Variants in NRG3 observed in about 807,000 individuals in gnomAD.
NRG3 encodes the protein pro-neuregulin-3, membrane-bound isoform.
A neutral mutation model predicts 66.9 loss-of-function variants in NRG3; 31 were observed. The ratio of observed to expected loss-of-function variants is 0.46; its 90% confidence interval spans 0.35 to 0.63. The LOEUF (loss-of-function observed/expected upper bound fraction) is 0.63, where lower values mean the gene tolerates loss of function less well. Ranked by LOEUF, NRG3 falls within the 20% of genes least tolerant of loss-of-function variation. NRG3 has a pLI of 0.00. For synonymous variants in NRG3, 393 were observed against 359.4 expected (o/e 1.09, Z -1.06); for missense variants, 910 against 878.9 (o/e 1.04, Z -0.45).
At chr10:82,892,329 A>G (rs756991501) in intron 4 of NRG3, among the ~76,000 whole-genome samples, 8 of 152,178 alleles carry the variant, frequency 5.3e-5, no homozygotes, top group Non-Finnish European at 1.2e-4. Context: ...AGGAAACAAC[A>G]GACAGGGCAC....
At chr10:82,108,222 T>C (rs1243624270) in intron 1 of NRG3, among the ~76,000 whole-genome samples, 1 of 152,228 alleles carries the variant, frequency 6.6e-6, no homozygotes, top group Non-Finnish European at 1.5e-5. Flanking sequence ...ATGATATTAA[T>C]ATTGGTCTTC....
intron 2 of NRG3, among the ~76,000 whole-genome samples, chr10:82,719,303 G>A (rs2057155981): frequency 6.6e-6 from 1 of 152,198 alleles, no homozygotes; most frequent in South Asian, 2.1e-4. Context: ...TATGTGGAAT[G>A]ATTAGGGGAA....
chr10:81,902,764 G>A (rs1844200416), intron 1 of NRG3, among the ~76,000 whole-genome samples: 1 of 152,164 alleles, frequency 6.6e-6, no homozygotes. Flanking sequence ...ACAGGGTGCA[G>A]GGTGCATCTG....
At chr10:82,049,253 T>G (rs2063472682) in intron 1 of NRG3, among the ~76,000 whole-genome samples, 1 of 152,246 alleles carries the variant, frequency 6.6e-6, no homozygotes, top group Admixed American at 6.5e-5. Flanking sequence ...TGCTGCCTTA[T>G]TTTTTAGATT....
At chr10:82,246,765 G>T (rs1484923313) in intron 1 of NRG3, among the ~76,000 whole-genome samples, 1 of 149,664 alleles carries the variant, frequency 6.7e-6, no homozygotes, top group South Asian at 2.1e-4. Context: ...TATTTAGAAG[G>T]AGTTTTTTTT....
intron 1 of NRG3, among the ~76,000 whole-genome samples, chr10:82,270,636 C>T (rs1321088891): frequency 5.3e-5 from 8 of 152,086 alleles, no homozygotes; most frequent in African/African-American, 1.9e-4. Flanking sequence ...TTCCTTTGCC[C>T]TTCCGAAGGT....
chr10:82,579,201 T>C (rs1166468274), intron 2 of NRG3, among the ~76,000 whole-genome samples: 1 of 151,886 alleles, frequency 6.6e-6, no homozygotes, highest in African/African-American at 2.4e-5. Flanking sequence ...GAATGATTAC[T>C]AATCTGTAAA....
intron 1 of NRG3, among the ~76,000 whole-genome samples, chr10:82,018,478 A>G (rs1324332720): frequency 6.6e-6 from 1 of 152,154 alleles, no homozygotes; most frequent in African/African-American, 2.4e-5. Context: ...GAAGAAAGTC[A>G]TTGGTAGCTT....
At chr10:82,592,434 T>C (rs893572387) in intron 2 of NRG3, among the ~76,000 whole-genome samples, 16 of 152,206 alleles carry the variant, frequency 1.1e-4, no homozygotes, top group Admixed American at 5.2e-4. Flanking sequence ...CTCAGTCACA[T>C]GGCAAACAAT....
intron 2 of NRG3, among the ~76,000 whole-genome samples, chr10:82,546,049 G>A (rs1323325415): frequency 6.6e-6 from 1 of 152,132 alleles, no homozygotes; most frequent in Non-Finnish European, 1.5e-5. Context: ...GATTACAGGC[G>A]TGAGCCACTG....
chr10:82,642,740 A>G (rs1458793608), intron 2 of NRG3, among the ~76,000 whole-genome samples: 5 of 152,218 alleles, frequency 3.3e-5, no homozygotes, highest in Middle Eastern at 3.4e-3. Context: ...AATCTTATTT[A>G]TATTTTAATT....
chr10:82,933,851 T>A (rs1282650667), intron 4 of NRG3, among the ~76,000 whole-genome samples: 2 of 152,196 alleles, frequency 1.3e-5, no homozygotes, highest in African/African-American at 4.8e-5. Context: ...CAATATCCCA[T>A]GTTCTAAAAT....
At chr10:82,452,227 GC>G (rs1314618968) in intron 2 of NRG3, among the ~76,000 whole-genome samples, 5 of 152,266 alleles carry the variant, frequency 3.3e-5, no homozygotes, top group African/African-American at 1.2e-4. Flanking sequence ...TTAGCCTTGG[GC>G]TGTTAGACAC....
chr10:82,883,650 T>G (rs1476339331), intron 4 of NRG3, among the ~76,000 whole-genome samples: 2 of 152,166 alleles, frequency 1.3e-5, no homozygotes, highest in African/African-American at 4.8e-5. Flanking sequence ...TTATCTTGGC[T>G]TCTCTCTAAG....
At chr10:82,265,478 T>A (rs141018238) in intron 1 of NRG3, among the ~76,000 whole-genome samples, 178 of 152,320 alleles carry the variant, frequency 1.2e-3, no homozygotes, top group African/African-American at 4.2e-3. Flanking sequence ...ACAACTAAAG[T>A]GACAGTGAAT....
chr10:82,672,190 G>A (rs1032179687), intron 2 of NRG3, among the ~76,000 whole-genome samples: 1 of 152,142 alleles, frequency 6.6e-6, no homozygotes, highest in Non-Finnish European at 1.5e-5. Context: ...GCAGGCGAGA[G>A]TACTAGGAAA....
chr10:82,051,933 G>A (rs2133139535), intron 1 of NRG3, among the ~76,000 whole-genome samples: 1 of 151,950 alleles, frequency 6.6e-6, no homozygotes, highest in East Asian at 1.9e-4. Context: ...AAAGCATTGT[G>A]AGTTGGCTTA....
intron 1 of NRG3, among the ~76,000 whole-genome samples, chr10:82,303,066 A>G (rs1361327042): frequency 6.6e-6 from 1 of 152,156 alleles, no homozygotes; most frequent in Non-Finnish European, 1.5e-5. Context: ...TCAAACACAT[A>G]TCTCTCTACT....
chr10:82,666,616 A>G (rs530811551), intron 2 of NRG3, among the ~76,000 whole-genome samples: 1 of 152,306 alleles, frequency 6.6e-6, no homozygotes, highest in African/African-American at 2.4e-5. Flanking sequence ...AATTTTCTGG[A>G]CGAATGTTGA....
Sources: allele counts gnomAD v4.1 joint callset (sites outside exome capture counted in the v4.1 genomes callset), GRCh38; gene constraint gnomAD v4.1.1; transcripts MANE v1.5; gene names NCBI Gene and HGNC (gene_info 2026-07-23, HGNC 2026-07-21).